Variants in SNTG1 observed in about 807,000 individuals in gnomAD.
SNTG1 encodes the protein gamma-1-syntrophin.
Under a neutral mutation model 74.7 loss-of-function variants are expected in SNTG1, and 39 were observed. The ratio of observed to expected loss-of-function variants is 0.52; its 90% CI spans 0.40 to 0.68. SNTG1 has a LOEUF of 0.68. Among genes scored for constraint, SNTG1 ranks in the 30% least tolerant of loss-of-function variants. The probability of loss-of-function intolerance (pLI) is 0.00; values close to 1 mark genes in which losing one functional copy is unlikely to be tolerated. For missense variants in SNTG1, 685 were observed against 609.5 expected (o/e 1.12, Z -1.30); for synonymous variants, 254 against 217.1 (o/e 1.17, Z -1.49).
At chr8:50,380,613 T>C (rs975680854) in intron 2 of SNTG1, among the ~76,000 whole-genome samples, 4 of 152,164 alleles carry the variant, frequency 2.6e-5, no homozygotes, top group African/African-American at 9.7e-5. Flanking sequence ...CATAACTACT[T>C]AGCTCTCCAT....
At chr8:49,916,204 CA>C in intron 1 of SNTG1, among the ~76,000 whole-genome samples, 2 of 151,180 alleles carry the variant, frequency 1.3e-5, no homozygotes, top group Non-Finnish European at 2.9e-5. Flanking sequence ...CACACACACA[CA>C]CACAAAAACC....
chr8:50,156,015 A>G (rs1186132664), intron 1 of SNTG1, among the ~76,000 whole-genome samples: 2 of 152,120 alleles, frequency 1.3e-5, no homozygotes, highest in East Asian at 3.8e-4. Context: ...AAAAGGGCAA[A>G]TGAAATGAAA....
chr8:50,105,353 T>C (rs1464078610), intron 1 of SNTG1, among the ~76,000 whole-genome samples: 1 of 152,162 alleles, frequency 6.6e-6, no homozygotes, highest in Non-Finnish European at 1.5e-5. Context: ...TGTAGTTTTA[T>C]TTCTGCACTC....
At chr8:50,055,856 T>A (rs1192741906) in intron 1 of SNTG1, among the ~76,000 whole-genome samples, 1 of 152,126 alleles carries the variant, frequency 6.6e-6, no homozygotes, top group Non-Finnish European at 1.5e-5. Flanking sequence ...TTTATAATTT[T>A]AAAAAATTGT....
At chr8:50,208,699 C>G (rs1347006291) in intron 2 of SNTG1, among the ~76,000 whole-genome samples, 2 of 152,180 alleles carry the variant, frequency 1.3e-5, no homozygotes, top group Admixed American at 6.5e-5. Context: ...GTGGCTGGTA[C>G]CAGTCTTTCC....
chr8:50,509,025 G>A (rs2094038358), intron 9 of SNTG1, among the ~76,000 whole-genome samples: 1 of 152,070 alleles, frequency 6.6e-6, no homozygotes, highest in Admixed American at 6.6e-5. Flanking sequence ...TATTGCTTAG[G>A]TTTTCTTCTA....
At chr8:50,658,568 AC>A (rs772893578) in intron 14 of SNTG1, 23 bp from the exon 15 acceptor site, 2 of 1,523,460 alleles carry the variant, frequency 1.3e-6, no homozygotes, top group South Asian at 2.3e-5. Context: ...AACAAATTAA[AC>A]ATTATTTTCT....
intron 2 of SNTG1, among the ~76,000 whole-genome samples, chr8:50,251,054 A>G (rs1047658194): frequency 6.6e-6 from 1 of 152,008 alleles, no homozygotes; most frequent in African/African-American, 2.4e-5. Context: ...AGATAAATAT[A>G]CAAATTACAG....
rs998036838 is a variant in SNTG1, at chr8:50,534,968, T to A, written c.550-1710T>A. 2.0e-5 allele frequency among the ~76,000 whole-genome samples: 3 copies of A among 152,050 alleles called. No homozygotes were observed. The South Asian group carries it at 6.2e-4, about 32-fold the overall frequency. ...CTAAAAGTTCCATGTTTAGAAATAA[T>A]TTTGCCCCTTATTTCAGCTTATTAT... On this transcript the variant is annotated intron_variant, in intron 10 of 18. Coordinates refer to ENST00000642720, the MANE Select transcript of SNTG1 (RefSeq NM_018967.5).
intron 18 of SNTG1, among the ~76,000 whole-genome samples, chr8:50,789,339 C>A (rs1231551514): frequency 6.6e-6 from 1 of 151,926 alleles, no homozygotes; most frequent in Non-Finnish European, 1.5e-5. Context: ...TCTACCCCAT[C>A]TTTCTTACAT....
At chr8:50,448,988 A>G (rs1310269346) in intron 5 of SNTG1, among the ~76,000 whole-genome samples, 1 of 152,172 alleles carries the variant, frequency 6.6e-6, no homozygotes, top group Non-Finnish European at 1.5e-5. Context: ...AGATCGCGCC[A>G]TGGCACTCCA....
intron 1 of SNTG1, among the ~76,000 whole-genome samples, chr8:50,031,661 C>A (rs184182135): frequency 6.6e-6 from 1 of 151,980 alleles, no homozygotes; most frequent in Non-Finnish European, 1.5e-5. Flanking sequence ...ACTAGACTTG[C>A]GACACTAGAA....
At chr8:50,693,781 G>T (rs1033121747) in intron 15 of SNTG1, among the ~76,000 whole-genome samples, 4 of 152,034 alleles carry the variant, frequency 2.6e-5, no homozygotes, top group African/African-American at 4.8e-5. Flanking sequence ...TCAATAATAT[G>T]AAACTAGAAA....
At chr8:50,726,328 G>A (rs1047343138) in intron 17 of SNTG1, among the ~76,000 whole-genome samples, 1 of 152,206 alleles carries the variant, frequency 6.6e-6, no homozygotes, top group South Asian at 2.1e-4. Context: ...TCAGCCAGTA[G>A]TGTGTTTTTG....
intron 1 of SNTG1, among the ~76,000 whole-genome samples, chr8:50,064,207 T>C (rs1820715096): frequency 6.6e-6 from 1 of 152,200 alleles, no homozygotes; most frequent in Non-Finnish European, 1.5e-5. Flanking sequence ...ACGTGTAAGA[T>C]GACTAAAACA....
At chr8:50,127,581 T>G (rs139548452) in intron 1 of SNTG1, among the ~76,000 whole-genome samples, 3 of 152,252 alleles carry the variant, frequency 2.0e-5, no homozygotes, top group East Asian at 3.9e-4. Flanking sequence ...AATTTTCCTG[T>G]AATAACTGCA....
chr8:49,968,847 G>A (rs1374817527), intron 1 of SNTG1, among the ~76,000 whole-genome samples: 23 of 152,188 alleles, frequency 1.5e-4, no homozygotes, highest in Non-Finnish European at 1.2e-4. Flanking sequence ...GACACATTCC[G>A]GATAGAACTG....
chr8:50,690,844 G>A (rs1402771053), intron 15 of SNTG1, among the ~76,000 whole-genome samples: 4 of 151,146 alleles, frequency 2.6e-5, no homozygotes, highest in African/African-American at 4.9e-5. Context: ...TGTTGACAGT[G>A]GGGTGTTAAA....
intron 12 of SNTG1, among the ~76,000 whole-genome samples, chr8:50,557,909 A>G (rs569585477): frequency 2.6e-5 from 4 of 152,272 alleles, no homozygotes; most frequent in South Asian, 4.1e-4. Context: ...CCACACGTGC[A>G]TTGCTTGGGG....
Sources: allele counts gnomAD v4.1 joint callset (sites outside exome capture counted in the v4.1 genomes callset), GRCh38; gene constraint gnomAD v4.1.1; transcripts MANE v1.5; gene names NCBI Gene and HGNC (gene_info 2026-07-23, HGNC 2026-07-21).